ZFAND3: variants seen among roughly 807,000 people sequenced by gnomAD.
ZFAND3 encodes the protein AN1-type zinc finger protein 3.
ZFAND3 carries 10 observed loss-of-function variants against 29.6 expected under a neutral mutation model. The observed-to-expected ratio is 0.34, with a 90% CI of 0.21 to 0.57. ZFAND3 has a LOEUF of 0.57. Among genes scored for constraint, ZFAND3 ranks in the 20% least tolerant of loss-of-function variants. ZFAND3 has a pLI of 0.86. For missense variants in ZFAND3, 230 were observed against 304.5 expected, an observed-to-expected ratio of 0.76 and a Z score of 1.82; for synonymous variants, 128 against 112.6, an observed-to-expected ratio of 1.14 and a Z score of -0.87.
In ZFAND3 at chr6:37,836,932, TC is replaced by T. The variant is rs1335450504; in HGVS notation, c.71+16919del. Among the ~76,000 whole-genome samples the T allele has an allele frequency of 3.3e-5, 5 of 152,316 alleles. No homozygotes were observed. The East Asian group carries it at 9.6e-4, about 29-fold the overall frequency. On this transcript the variant is annotated intron_variant, in intron 1 of 5. Coordinates refer to ENST00000287218, the MANE Select transcript of ZFAND3 (RefSeq NM_021943.3). Reference sequence around the variant, plus strand: ...CAGCTTTTGTTTTTCTAGGAAGAAGTCCCTTTTATTTAGTCTGGACTTCGAT... The same window carrying T: ...CAGCTTTTGTTTTTCTAGGAAGAAGTCCTTTTATTTAGTCTGGACTTCGAT...
intron 1 of ZFAND3, among the ~76,000 whole-genome samples, chr6:37,820,435 C>T (rs1339070279): frequency 6.6e-6 from 1 of 152,184 alleles, no homozygotes; most frequent in Non-Finnish European, 1.5e-5. Context: ...AGGGTATTTC[C>T]TCTGACTTCT....
At chr6:38,120,351 G>A (rs201779872) in intron 5 of ZFAND3, among the ~76,000 whole-genome samples, 2 of 11,228 alleles carry the variant, frequency 1.8e-4, no homozygotes, top group African/African-American at 4.0e-4. Flanking sequence ...TTTTTTTTTT[G>A]TGGAGACGGA....
chr6:38,154,082 G>A lies in ZFAND3; in HGVS notation c.*1693G>A, dbSNP rs947417436. The A allele has an allele frequency of 2.0e-6, 2 of 985,456 alleles. No homozygotes were observed. Among genetic ancestry groups the A allele is most frequent in the African/African-American group, 3.5e-5 (2 of 57,256 alleles). The allele number at this position is 985,456 out of a possible 1,614,324, so 61.0% of individuals were successfully genotyped here. A position where few individuals can be genotyped will look rare whatever the true frequency, so the allele number is the denominator to read the frequency against. On this transcript the variant is annotated 3_prime_UTR_variant, in exon 6 of 6. Transcript: ENST00000287218. ...GCCTTAATTCTTGCTTCAGGACCCA[G>A]ACCGGTGTCTTGCTCTAGGGCAACC...
intron 2 of ZFAND3, among the ~76,000 whole-genome samples, chr6:38,039,708 C>T (rs1298169013): frequency 1.3e-5 from 2 of 152,104 alleles, no homozygotes; most frequent in Non-Finnish European, 2.9e-5. Flanking sequence ...AGGAGACATT[C>T]CAGAGTCATG....
intron 2 of ZFAND3, among the ~76,000 whole-genome samples, chr6:38,007,405 G>C (rs71569402): frequency 0.097 from 14,737 of 151,918 alleles, 997 homozygotes; most frequent in East Asian, 0.32. Flanking sequence ...AATTTGTCCG[G>C]CATGATGGTA....
At position 38,104,947 on chromosome 6, in the gene ZFAND3, G is replaced by A. The variant is rs149806574; in HGVS notation, c.362-11625G>A. 1.3e-3 allele frequency among the ~76,000 whole-genome samples: 196 copies of A among 152,314 alleles called. 1 individual carries two copies. Among genetic ancestry groups the A allele is most frequent in the African/African-American group, 4.3e-3 (178 of 41,562 alleles). Reference sequence around the variant, plus strand: ...TTAAGTGTAGCAACTGTTGGAGACAGGATATATAGTAGTTAAGAGCAAGGA... The same window carrying A: ...TTAAGTGTAGCAACTGTTGGAGACAAGATATATAGTAGTTAAGAGCAAGGA... On this transcript the variant is annotated intron_variant, in intron 4 of 5. Transcript: ENST00000287218.
At chr6:38,018,252 A>G (rs1651477803) in intron 2 of ZFAND3, among the ~76,000 whole-genome samples, 1 of 152,234 alleles carries the variant, frequency 6.6e-6, no homozygotes, top group Admixed American at 6.5e-5. Context: ...TCTCATATTA[A>G]TAAATGAAGA....
intron 1 of ZFAND3, among the ~76,000 whole-genome samples, chr6:37,820,863 C>T (rs757923015): frequency 2.6e-5 from 4 of 152,158 alleles, no homozygotes; most frequent in East Asian, 1.9e-4. Flanking sequence ...TCTTCCTCCC[C>T]CCATTACTGT....
intron 5 of ZFAND3, among the ~76,000 whole-genome samples, chr6:38,123,999 C>G (rs1271930212): frequency 6.6e-6 from 1 of 152,148 alleles, no homozygotes; most frequent in Non-Finnish European, 1.5e-5. Flanking sequence ...ATTCTCTTAT[C>G]TGGCCCCCAC....
rs191606068 is a variant in ZFAND3 at position 38,058,918 on chromosome 6, A to G, written c.113-2675A>G. Among the ~76,000 whole-genome samples, 608 of 152,346 alleles carry G rather than the reference A, an allele frequency of 4.0e-3. 3 individuals carry two copies. The highest frequency in any genetic ancestry group is 0.014 in the African/African-American group (581 of 41,572). ...ACATAATAAACGCATCATAAATGCTAGCTATTCTTACGCTGAGAATATGTC... is the reference window on the plus strand; with the variant it reads ...ACATAATAAACGCATCATAAATGCTGGCTATTCTTACGCTGAGAATATGTC... On this transcript the variant is annotated intron_variant, in intron 2 of 5. Coordinates refer to ENST00000287218, the MANE Select transcript of ZFAND3 (RefSeq NM_021943.3).
At chr6:38,028,837 G>T (rs2127450514) in intron 2 of ZFAND3, among the ~76,000 whole-genome samples, 1 of 152,196 alleles carries the variant, frequency 6.6e-6, no homozygotes, top group South Asian at 2.1e-4. Flanking sequence ...GTATAGCTAG[G>T]TGACTTGGCT....
rs539786877 is a variant in ZFAND3 at position 38,012,854 on chromosome 6, A to G, written c.113-48739A>G. Among the ~76,000 whole-genome samples, 6 of 152,234 alleles carry G rather than the reference A, an allele frequency of 3.9e-5. No individual in the cohort carries two copies. The South Asian group carries it at 1.2e-3, about 32-fold the overall frequency. On this transcript the variant is annotated intron_variant, in intron 2 of 5. Coordinates refer to ENST00000287218, the MANE Select transcript of ZFAND3 (RefSeq NM_021943.3). ...CAGTTGATCCTCTTAAGTGTACATC[A>G]GGAGGGGGAATGGCTGAGGGGCTTG...
intron 2 of ZFAND3, among the ~76,000 whole-genome samples, chr6:37,946,511 C>T (rs1354731628): frequency 1.3e-5 from 2 of 152,158 alleles, no homozygotes; most frequent in African/African-American, 4.8e-5. Flanking sequence ...CCTTCATGCA[C>T]ACTGTAAAGT....
At chr6:38,023,735 G>A (rs1763394219) in intron 2 of ZFAND3, among the ~76,000 whole-genome samples, 1 of 152,156 alleles carries the variant, frequency 6.6e-6, no homozygotes, top group African/African-American at 2.4e-5. Flanking sequence ...TCAAGAAGAA[G>A]AAATAGCTTT....
chr6:37,998,537 G>T (rs561873616), intron 2 of ZFAND3, among the ~76,000 whole-genome samples: 1 of 152,150 alleles, frequency 6.6e-6, no homozygotes, highest in East Asian at 1.9e-4. Flanking sequence ...TAATGAGGGG[G>T]GCGGGAGGGG....
In ZFAND3 at chr6:38,116,623, A is replaced by G; in HGVS notation, c.413A>G (p.Glu138Gly). ...ASPVKRPRLL[E>G]NTERSEETSR... The stretch of plus-strand genomic sequence containing the variant: ...CCAGTAAAACGGCCACGACTACTTG[A>G]GAATACGGAACGGTCCGAGGAAACC... Residue 138 changes from glutamate to glycine, a missense_variant, in exon 5 of 6, where the codon GAG (glutamate) becomes GGG (glycine). This residue lies in a region of ZFAND3 where 180 missense variants were observed against 202.5 expected (regional missense o/e 0.89). Transcript: ENST00000287218. 1 of 1,613,984 alleles carries G rather than the reference A, an allele frequency of 6.2e-7. No individual in the cohort carries two copies. The highest frequency in any genetic ancestry group is 8.5e-7 in the Non-Finnish European group (1 of 1,179,822).
intron 5 of ZFAND3, among the ~76,000 whole-genome samples, chr6:38,120,590 T>C (rs1765515037): frequency 6.6e-6 from 1 of 152,090 alleles, no homozygotes; most frequent in Admixed American, 6.5e-5. Context: ...CCTCCCAAAG[T>C]GTTAGGATTA....
intron 2 of ZFAND3, among the ~76,000 whole-genome samples, chr6:38,010,495 T>C (rs372918408): frequency 1.8e-4 from 28 of 152,222 alleles, no homozygotes; most frequent in Non-Finnish European, 2.8e-4. Context: ...TTTGGTGATA[T>C]GTTGCTTGCT....
chr6:37,891,648 A>G (rs559928754), intron 1 of ZFAND3, among the ~76,000 whole-genome samples: 4 of 152,308 alleles, frequency 2.6e-5, no homozygotes, highest in South Asian at 4.1e-4. Context: ...ACAAGGAAAT[A>G]GAAGACTTGC....
Sources: gnomAD v4.1 joint callset for allele counts (sites outside exome capture counted in the v4.1 genomes callset) on GRCh38, gnomAD v4.1.1 for gene constraint, gnomAD v4.1.1 regional missense constraint, MANE v1.5 for transcripts, NCBI Gene and HGNC (gene_info 2026-07-23, HGNC 2026-07-21) for gene names.